Variants in ZNG1E observed in about 807,000 individuals in gnomAD.
The protein encoded by ZNG1E is Zn regulated GTPase metalloprotein activator 1E.
chr9:65,732,749 T>A, the ZNG1E span: 1 of 1,388,752 alleles, frequency 7.2e-7, no homozygotes, highest in Non-Finnish European at 9.3e-7. Context: ...ATGTATTAAC[T>A]TTATCATTAG....
chr9:65,721,264 TCAGTA>T, the ZNG1E span, among the ~76,000 whole-genome samples: 1 of 135,270 alleles, frequency 7.4e-6, no homozygotes, highest in Non-Finnish European at 1.6e-5. Context: ...TCTTTATTGC[TCAGTA>T]CAGGGCTTGG....
At chr9:65,715,292 C>G in the ZNG1E span, among the ~76,000 whole-genome samples, 2 of 150,234 alleles carry the variant, frequency 1.3e-5, no homozygotes, top group African/African-American at 2.5e-5. Context: ...CCTGCGCCCA[C>G]TGTCTGGCAC....
At chr9:65,714,649 G>T in the ZNG1E span, among the ~76,000 whole-genome samples, 1 of 152,098 alleles carries the variant, frequency 6.6e-6, no homozygotes, top group Non-Finnish European at 1.5e-5. Context: ...GGCCGTGTGA[G>T]GTGTCAGCCT....
the ZNG1E span, among the ~76,000 whole-genome samples, chr9:65,711,051 T>C: frequency 7.1e-6 from 1 of 140,654 alleles, no homozygotes; most frequent in Non-Finnish European, 1.5e-5. Flanking sequence ...TTTGTAGTTC[T>C]CCTTGAAGAG....
the ZNG1E span, among the ~76,000 whole-genome samples, chr9:65,725,502 G>A: frequency 2.3e-5 from 3 of 130,432 alleles, no homozygotes; most frequent in East Asian, 6.0e-4. Context: ...TGATATTAGT[G>A]GATTCATGCA....
At chr9:65,731,095 T>G in the ZNG1E span, among the ~76,000 whole-genome samples, 2 of 151,182 alleles carry the variant, frequency 1.3e-5, no homozygotes, top group East Asian at 3.9e-4. Context: ...TCTTTTGTAT[T>G]TTTTTTTTAA....
chr9:65,730,173 A>AC, the ZNG1E span, among the ~76,000 whole-genome samples: 1 of 112,868 alleles, frequency 8.9e-6, no homozygotes, highest in East Asian at 2.4e-4. Flanking sequence ...ACAATGGAAT[A>AC]CTCCTCAGCC....
At chr9:65,727,653 AAG>A in the ZNG1E span, among the ~76,000 whole-genome samples, 6 of 125,676 alleles carry the variant, frequency 4.8e-5, no homozygotes, top group African/African-American at 2.1e-4. Flanking sequence ...TAAAAAGACA[AAG>A]AGGGACATTA....
At chr9:65,662,828 T>C in the ZNG1E span, among the ~76,000 whole-genome samples, 1 of 152,162 alleles carries the variant, frequency 6.6e-6, no homozygotes, top group East Asian at 1.9e-4. Flanking sequence ...ATCTTTTTAA[T>C]GACTCTTGTA....
At chr9:65,680,734 T>C in the ZNG1E span, among the ~76,000 whole-genome samples, 1 of 152,278 alleles carries the variant, frequency 6.6e-6, no homozygotes, top group Non-Finnish European at 1.5e-5. Context: ...TCAAATATAG[T>C]TTATTCTTTC....
the ZNG1E span, among the ~76,000 whole-genome samples, chr9:65,717,512 T>C: frequency 1.1e-4 from 16 of 149,812 alleles, no homozygotes; most frequent in Admixed American, 4.6e-4. Context: ...TTCATTTGAC[T>C]ATCAGTGCTG....
chr9:65,694,529 A>G, the ZNG1E span, among the ~76,000 whole-genome samples: 3 of 152,068 alleles, frequency 2.0e-5, no homozygotes, highest in Non-Finnish European at 4.4e-5. Flanking sequence ...TATTAAATCA[A>G]TATACCTACA....
the ZNG1E span, among the ~76,000 whole-genome samples, chr9:65,728,198 A>C: frequency 2.0e-5 from 3 of 152,408 alleles, no homozygotes; most frequent in East Asian, 5.8e-4. Flanking sequence ...CTCAAACTGA[A>C]TGACAATAAT....
the ZNG1E span, among the ~76,000 whole-genome samples, chr9:65,716,445 A>T: frequency 6.6e-6 from 1 of 151,530 alleles, no homozygotes; most frequent in Non-Finnish European, 1.5e-5. Flanking sequence ...TGTGTAGGCC[A>T]CCACACCCAG....
the ZNG1E span, among the ~76,000 whole-genome samples, chr9:65,713,943 CAG>C: frequency 1.3e-5 from 2 of 151,556 alleles, no homozygotes; most frequent in Admixed American, 6.6e-5. Flanking sequence ...TGATATCCTG[CAG>C]AGTGTTTTCC....
At chr9:65,710,548 G>C in the ZNG1E span, among the ~76,000 whole-genome samples, 1 of 152,088 alleles carries the variant, frequency 6.6e-6, no homozygotes, top group Non-Finnish European at 1.5e-5. Flanking sequence ...GTAAGGAAGG[G>C]ATCCGGTTTC....
the ZNG1E span, among the ~76,000 whole-genome samples, chr9:65,717,802 C>T: frequency 3.4e-5 from 5 of 146,544 alleles, no homozygotes; most frequent in African/African-American, 1.3e-4. Context: ...ATCTTCCCAC[C>T]TCAGACTCAT....
At chr9:65,677,828 C>T in the ZNG1E span, among the ~76,000 whole-genome samples, 3 of 152,020 alleles carry the variant, frequency 2.0e-5, no homozygotes, top group Admixed American at 2.0e-4. Context: ...TGTTTTAGCC[C>T]CTTGGAATAG....
At chr9:65,684,365 A>G in the ZNG1E span, among the ~76,000 whole-genome samples, 118 of 150,282 alleles carry the variant, frequency 7.9e-4, no homozygotes, top group Non-Finnish European at 1.3e-3. Flanking sequence ...GGTGAAATCC[A>G]GTCTCTACTG....
Sources: allele counts gnomAD v4.1 joint callset (sites outside exome capture counted in the v4.1 genomes callset), GRCh38; gene constraint gnomAD v4.1.1; transcripts MANE v1.5; gene names NCBI Gene and HGNC (gene_info 2026-07-23, HGNC 2026-07-21).